The following MARK1 variants were observed in gnomAD, a reference collection of about 807,000 sequenced individuals.
MARK1 encodes serine/threonine-protein kinase MARK1.
MARK1 carries 40 observed loss-of-function variants against 96.3 expected under a neutral mutation model. The ratio of observed to expected loss-of-function variants is 0.42; its 90% confidence interval spans 0.32 to 0.54. MARK1 has a LOEUF of 0.54. MARK1 is among the 20% of genes least tolerant of loss of function. The pLI is 0.16. For missense variants in MARK1, 719 were observed against 984.6 expected (o/e 0.73, Z 3.61); for synonymous variants, 317 against 341.2 (o/e 0.93, Z 0.78).
intron 1 of MARK1, among the ~76,000 whole-genome samples, chr1:220,544,623 C>T (rs192979082): frequency 3.9e-5 from 6 of 152,220 alleles, no homozygotes; most frequent in Admixed American, 1.3e-4. Flanking sequence ...GTTATAGCAA[C>T]GGAAAAGAGA....
intron 13 of MARK1, among the ~76,000 whole-genome samples, chr1:220,640,924 A>T (rs549469526): frequency 6.6e-6 from 1 of 152,304 alleles, no homozygotes; most frequent in Non-Finnish European, 1.5e-5. Flanking sequence ...GAACTTCAGG[A>T]GACACATTCA....
At chr1:220,535,327 G>T (rs941576371) in intron 1 of MARK1, among the ~76,000 whole-genome samples, 2 of 152,032 alleles carry the variant, frequency 1.3e-5, no homozygotes, top group African/African-American at 4.8e-5. Context: ...CAGATGATTT[G>T]TGATGTTCAC....
chr1:220,595,647 G>T (rs1442037945), intron 3 of MARK1, among the ~76,000 whole-genome samples: 1 of 152,144 alleles, frequency 6.6e-6, no homozygotes, highest in East Asian at 1.9e-4. Context: ...AAGATTAGGG[G>T]TTTAGTTCTA....
At position 220,554,288 on chromosome 1, in the gene MARK1, T is replaced by C. The variant is rs148765585; in HGVS notation, c.52-25066T>C. ...TATAATGGACCAGTGTGATTTCCTA[T>C]AGAAGGAAAGGTGATTAAGGTCCCT... On this transcript the variant is annotated intron_variant, in intron 1 of 17. Coordinates refer to ENST00000366917, the MANE Select transcript of MARK1 (RefSeq NM_018650.5). 4.6e-5 allele frequency among the ~76,000 whole-genome samples: 7 copies of C among 152,266 alleles called. No individual in the cohort carries two copies. The East Asian group carries it at 1.4e-3, about 29-fold the overall frequency.
intron 1 of MARK1, among the ~76,000 whole-genome samples, chr1:220,537,385 A>G (rs1451111196): frequency 6.6e-6 from 1 of 151,624 alleles, no homozygotes; most frequent in Non-Finnish European, 1.5e-5. Flanking sequence ...GATGATTTCC[A>G]GTTCATCCAT....
intron 1 of MARK1, among the ~76,000 whole-genome samples, chr1:220,533,818 T>C (rs770802234): frequency 2.6e-5 from 4 of 152,214 alleles, no homozygotes; most frequent in Non-Finnish European, 5.9e-5. Context: ...TTCTGCATAG[T>C]ATTTCTGGCA....
rs1666860998 is a variant in MARK1 at position 220,618,140 on chromosome 1, G to GT, written c.553-169dup. On this transcript the variant is annotated intron_variant, in intron 7 of 17. Coordinates refer to ENST00000366917, the MANE Select transcript of MARK1 (RefSeq NM_018650.5). This position sits in a 1 kb window ranked among gnomAD's most constrained non-coding sequence, Gnocchi z 4.6. ...TGTTAAAATTTAGTCTTATGTAGAT[G>GT]TAATTCAGAACAGTTATGCATTGAA... Among the ~76,000 whole-genome samples the GT allele has an allele frequency of 6.6e-6, 1 of 152,168 alleles. No homozygotes were observed. The highest frequency in any genetic ancestry group is 1.5e-5 in the Non-Finnish European group (1 of 68,034).
Position 220,541,915 on chromosome 1 carries a change from C to A in MARK1, c.51+13042C>A, listed in dbSNP as rs183339863. On this transcript the variant is annotated intron_variant, in intron 1 of 17. Coordinates refer to ENST00000366917, the MANE Select transcript of MARK1 (RefSeq NM_018650.5). ...AGTGATAGGGAAGGACTTACTATTG[C>A]CATTTTGTTAACTATTTTCCGTCTT... Among the ~76,000 whole-genome samples, 12 of 152,296 alleles carry A rather than the reference C, an allele frequency of 7.9e-5. No homozygotes were observed. The South Asian group carries it at 1.2e-3, about 16-fold the overall frequency.
At chr1:220,556,088 G>A (rs951640556) in intron 1 of MARK1, among the ~76,000 whole-genome samples, 3 of 152,150 alleles carry the variant, frequency 2.0e-5, no homozygotes, top group Non-Finnish European at 2.9e-5. Flanking sequence ...CATAAGAGTT[G>A]GGACATGTAG....
chr1:220,591,610 T>G (rs553873262), intron 3 of MARK1, among the ~76,000 whole-genome samples: 4 of 152,248 alleles, frequency 2.6e-5, no homozygotes, highest in African/African-American at 7.2e-5. Context: ...CATAGTGCAG[T>G]AAGGAGCTGT....
intron 1 of MARK1, among the ~76,000 whole-genome samples, chr1:220,535,354 T>C (rs995666956): frequency 2.6e-5 from 4 of 152,202 alleles, no homozygotes. Flanking sequence ...TTTATGTACC[T>C]GCTGGCCATT....
chr1:220,652,466 C>T (rs1014744307), intron 15 of MARK1, among the ~76,000 whole-genome samples: 1 of 152,118 alleles, frequency 6.6e-6, no homozygotes, highest in African/African-American at 2.4e-5. Flanking sequence ...ACCATACGAA[C>T]AAACACTAGA....
At chr1:220,645,258 C>G (rs187588920) in intron 13 of MARK1, among the ~76,000 whole-genome samples, 122 of 152,254 alleles carry the variant, frequency 8.0e-4, no homozygotes, top group Admixed American at 1.6e-3. Context: ...CACAGAAATA[C>G]AAACAACCAT....
chr1:220,661,737 A>C, intron 17 of MARK1, 75 bp from the exon 18 acceptor site: 1 of 1,148,566 alleles, frequency 8.7e-7, no homozygotes, highest in Non-Finnish European at 1.2e-6. Context: ...GACCACTTAG[A>C]TTTTATGTGT....
chr1:220,593,836 C>A (rs999644826), intron 3 of MARK1, among the ~76,000 whole-genome samples: 9 of 152,142 alleles, frequency 5.9e-5, no homozygotes, highest in African/African-American at 1.9e-4. Context: ...TAGGCCCAGG[C>A]AGGGGTGGCA....
intron 6 of MARK1, among the ~76,000 whole-genome samples, chr1:220,607,238 GT>G (rs907622077): frequency 6.6e-6 from 1 of 151,976 alleles, no homozygotes; most frequent in Non-Finnish European, 1.5e-5. Context: ...GGTCCTTCAC[GT>G]CCCTTGTAAG....
intron 9 of MARK1, among the ~76,000 whole-genome samples, chr1:220,629,921 T>C (rs1290309033): frequency 6.6e-6 from 1 of 152,246 alleles, no homozygotes; most frequent in African/African-American, 2.4e-5. Context: ...AGTTTCTGAA[T>C]ATCTCTTTGA....
In MARK1 at chr1:220,579,554, A is replaced by G. The variant is rs1465109196; in HGVS notation, c.252A>G (p.Arg84=). ...TGGCAAGACACGTTCTAACTGGTAG[A>G]GAGGTAAGTTTGCACAATGCCTTTT... ...VKLARHVLTG[R]EVAVKIIDKT... The change falls in exon 2 of 18, where the codon AGA becomes AGG. Residue 84 remains arginine (R), a synonymous_variant. Transcript: ENST00000366917. 8 of 1,613,688 alleles carry G rather than the reference A, an allele frequency of 5.0e-6. No homozygotes were observed. The highest frequency in any genetic ancestry group is 6.8e-6 in the Non-Finnish European group (8 of 1,179,778).
chr1:220,581,564 G>C (rs1022957480), intron 3 of MARK1, among the ~76,000 whole-genome samples: 2 of 152,250 alleles, frequency 1.3e-5, no homozygotes, highest in East Asian at 3.9e-4. Context: ...TGAGTTTTCA[G>C]ATAAAGTCCA....
Sources: allele counts gnomAD v4.1 joint callset (sites outside exome capture counted in the v4.1 genomes callset), GRCh38; gene constraint gnomAD v4.1.1; non-coding constraint Gnocchi (gnomAD v3.1); transcripts MANE v1.5; gene names NCBI Gene and HGNC (gene_info 2026-07-23, HGNC 2026-07-21).